The following CCSER1 variants were observed in gnomAD, a reference collection of about 807,000 sequenced individuals.
The protein encoded by CCSER1 is serine-rich coiled-coil domain-containing protein 1.
In CCSER1, 41 loss-of-function variants were observed where a neutral mutation model predicts 82.0. That is an observed-to-expected ratio of 0.50 (90% confidence interval 0.39 to 0.65). The LOEUF (loss-of-function observed/expected upper bound fraction) is 0.65. CCSER1 is among the 30% of genes least tolerant of loss of function. The pLI, the probability that CCSER1 is intolerant of heterozygous loss-of-function variation, is 0.00. For missense variants in CCSER1, 1,119 were observed against 1,064.2 expected, an observed-to-expected ratio of 1.05 and a Z score of -0.72; for synonymous variants, 414 against 383.9, an observed-to-expected ratio of 1.08 and a Z score of -0.92.
rs1579095853 is a variant in CCSER1, at chr4:90,308,594, A to T, written c.310A>T (p.Ser104Cys). 4.3e-6 allele frequency: 7 copies of T among 1,613,916 alleles called. No homozygotes were observed. Among genetic ancestry groups the T allele is most frequent in the Non-Finnish European group, 8.5e-7 (1 of 1,179,850 alleles). The stretch of plus-strand genomic sequence containing the variant: ...TGGTCACAGCAATATGCAGAAACTG[A>T]GTTTGGAAGAACATATTAAGACCAG... ...QPGHSNMQKL[S>C]LEEHIKTRGR... The change falls in exon 2 of 11, where the codon AGT becomes TGT. Residue 104 changes from serine (S) to cysteine (C), a missense_variant. By Grantham distance (112) the Ser-to-Cys change is moderately radical (BLOSUM62 -1). Coordinates refer to ENST00000509176, the MANE Select transcript of CCSER1 (RefSeq NM_001145065.2).
chr4:90,280,651 C>T (rs1728690547), intron 1 of CCSER1, among the ~76,000 whole-genome samples: 2 of 151,930 alleles, frequency 1.3e-5, no homozygotes, highest in Admixed American at 6.6e-5. Flanking sequence ...TCAGATCTAA[C>T]GTAGGTCTTT....
intron 10 of CCSER1, among the ~76,000 whole-genome samples, chr4:91,188,863 T>C (rs1053912011): frequency 1.4e-4 from 22 of 152,250 alleles, no homozygotes; most frequent in South Asian, 4.1e-4. Flanking sequence ...TTATTAAGAT[T>C]GTGATAGTTA....
At chr4:90,354,719 CTT>C (rs1449424584) in intron 3 of CCSER1, among the ~76,000 whole-genome samples, 1 of 152,040 alleles carries the variant, frequency 6.6e-6, no homozygotes, top group Non-Finnish European at 1.5e-5. Context: ...TTTTTACAGA[CTT>C]TTATCATTTT....
At chr4:91,161,897 T>A (rs146045688) in intron 10 of CCSER1, among the ~76,000 whole-genome samples, 28,212 of 152,114 alleles carry the variant, frequency 0.19, 2,961 homozygotes, top group Non-Finnish European at 0.23. Flanking sequence ...ACAATTTGAC[T>A]TCCTCTTTTG....
intron 4 of CCSER1, among the ~76,000 whole-genome samples, chr4:90,432,939 C>A (rs954443749): frequency 6.6e-6 from 1 of 152,080 alleles, no homozygotes; most frequent in Non-Finnish European, 1.5e-5. Flanking sequence ...CCCATCTCCA[C>A]GTTTGGTATG....
chr4:90,453,575 T>G (rs1045292943), intron 4 of CCSER1, among the ~76,000 whole-genome samples: 2 of 152,066 alleles, frequency 1.3e-5, no homozygotes, highest in Non-Finnish European at 2.9e-5. Flanking sequence ...CCTGGAGTAG[T>G]CCAAACTTCT....
intron 5 of CCSER1, among the ~76,000 whole-genome samples, chr4:90,566,314 T>G (rs2153651022): frequency 6.6e-6 from 1 of 152,252 alleles, no homozygotes; most frequent in South Asian, 2.1e-4. Flanking sequence ...TTATTATAGG[T>G]TTGGAAATAT....
intron 3 of CCSER1, among the ~76,000 whole-genome samples, chr4:90,336,845 A>T (rs1051508776): frequency 2.0e-5 from 3 of 152,220 alleles, no homozygotes; most frequent in Non-Finnish European, 4.4e-5. Flanking sequence ...AAATATACTC[A>T]ATAGCAAATC....
intron 5 of CCSER1, among the ~76,000 whole-genome samples, chr4:90,496,990 A>AAAAG (rs1319965321): frequency 5.3e-5 from 8 of 151,406 alleles, no homozygotes; most frequent in South Asian, 2.1e-4. Flanking sequence ...AAAAAAAAAA[A>AAAAG]AAAGAAAGAG....
At chr4:90,434,933 T>C (rs951956430) in intron 4 of CCSER1, among the ~76,000 whole-genome samples, 3 of 152,200 alleles carry the variant, frequency 2.0e-5, no homozygotes, top group Admixed American at 6.5e-5. Flanking sequence ...GACAACAATG[T>C]GGTTGGTATT....
intron 5 of CCSER1, among the ~76,000 whole-genome samples, chr4:90,589,672 A>T (rs191266027): frequency 6.6e-6 from 1 of 152,212 alleles, no homozygotes; most frequent in Admixed American, 6.5e-5. Flanking sequence ...AAGCTCTGAC[A>T]TGTTCCTCTC....
chr4:90,495,665 A>G (rs539681485), intron 5 of CCSER1, among the ~76,000 whole-genome samples: 15 of 152,358 alleles, frequency 9.8e-5, no homozygotes, highest in African/African-American at 3.4e-4. Context: ...ACAATGATTT[A>G]TAGATTATAT....
At chr4:91,425,612 C>A (rs1037134538) in intron 10 of CCSER1, among the ~76,000 whole-genome samples, 24 of 151,828 alleles carry the variant, frequency 1.6e-4, no homozygotes, top group African/African-American at 5.6e-4. Flanking sequence ...TAAGAATGGA[C>A]CCAATTCAAC....
At chr4:91,377,710 T>C (rs1291002738) in intron 10 of CCSER1, among the ~76,000 whole-genome samples, 4 of 152,214 alleles carry the variant, frequency 2.6e-5, no homozygotes, top group Admixed American at 2.0e-4. Flanking sequence ...GCCTGTTCAC[T>C]CTGATGGTAG....
At position 91,459,350 on chromosome 4, in the gene CCSER1, C is replaced by CAT. The variant is rs371184963; in HGVS notation, c.2218-139211_2218-139210dup. On this transcript the variant is annotated intron_variant, in intron 10 of 10. Transcript: ENST00000509176. ...TATGTGTTATGTGTTTGTATACATG[C>CAT]ATATATATATATGTATATAGGCATG... Among the ~76,000 whole-genome samples the CAT allele has an allele frequency of 5.7e-4, 87 of 151,622 alleles. 1 individual carries two copies. Among genetic ancestry groups the CAT allele is most frequent in the Admixed American group, 1.2e-3 (18 of 15,168 alleles).
At chr4:91,136,100 CA>C (rs1447090347) in intron 10 of CCSER1, among the ~76,000 whole-genome samples, 2 of 152,052 alleles carry the variant, frequency 1.3e-5, no homozygotes, top group African/African-American at 4.8e-5. Context: ...ATATCAAATC[CA>C]AATGTTTTGT....
At chr4:91,540,149 C>T (rs955004229) in intron 10 of CCSER1, among the ~76,000 whole-genome samples, 3 of 151,998 alleles carry the variant, frequency 2.0e-5, no homozygotes, top group African/African-American at 7.2e-5. Flanking sequence ...ATCATTGGTT[C>T]CTCTACTAGC....
intron 1 of CCSER1, among the ~76,000 whole-genome samples, chr4:90,246,531 G>A (rs1190098341): frequency 6.6e-6 from 1 of 151,980 alleles, no homozygotes; most frequent in African/African-American, 2.4e-5. Flanking sequence ...GGCTTTTGTC[G>A]GAACTCTTTT....
intron 10 of CCSER1, among the ~76,000 whole-genome samples, chr4:91,253,070 G>T (rs1206512870): frequency 1.3e-5 from 2 of 151,636 alleles, no homozygotes; most frequent in South Asian, 4.2e-4. Context: ...GCATGGGCTT[G>T]AACTGCATGG....
Sources: gnomAD v4.1 joint callset for allele counts (sites outside exome capture counted in the v4.1 genomes callset) on GRCh38, gnomAD v4.1.1 for gene constraint, MANE v1.5 for transcripts, NCBI Gene and HGNC (gene_info 2026-07-23, HGNC 2026-07-21) for gene names.